Variants in POU6F2 observed in about 807,000 individuals in gnomAD.
POU6F2 encodes the protein POU class 6 homeobox 2, also known as POU domain, class 6, transcription factor 2.
Under a neutral mutation model 71.3 loss-of-function variants are expected in POU6F2, and 31 were observed. The ratio of observed to expected loss-of-function variants is 0.43; its 90% confidence interval spans 0.33 to 0.59. The LOEUF is 0.59. POU6F2 is among the 20% of genes least tolerant of loss of function. POU6F2 has a pLI of 0.04. For synonymous variants in POU6F2, 347 were observed against 355.7 expected, an observed-to-expected ratio of 0.98 and a Z score of 0.27; for missense variants, 783 against 856.8, an observed-to-expected ratio of 0.91 and a Z score of 1.07.
chr7:39,082,844 A>G (rs1324753273), intron 1 of POU6F2, among the ~76,000 whole-genome samples: 6 of 151,888 alleles, frequency 4.0e-5, no homozygotes, highest in Non-Finnish European at 7.4e-5. Context: ...ACAAATATAT[A>G]TATGGGCTAG....
chr7:39,147,420 A>G (rs977365245), intron 2 of POU6F2, among the ~76,000 whole-genome samples: 2 of 152,336 alleles, frequency 1.3e-5, no homozygotes, highest in Non-Finnish European at 2.9e-5. Context: ...AGTGTACAGA[A>G]CAAAAAGATT....
intron 1 of POU6F2, among the ~76,000 whole-genome samples, chr7:39,017,073 T>C (rs1362847057): frequency 6.6e-6 from 1 of 152,188 alleles, no homozygotes; most frequent in Non-Finnish European, 1.5e-5. Context: ...TATTTTATCA[T>C]GTTGTTTTTT....
intron 4 of POU6F2, among the ~76,000 whole-genome samples, chr7:39,290,403 A>G (rs955554623): frequency 6.6e-6 from 1 of 152,186 alleles, no homozygotes; most frequent in Non-Finnish European, 1.5e-5. Flanking sequence ...CACTCCCTGT[A>G]CAGAATCTGT....
chr7:39,277,547 C>G (rs1250068688), intron 4 of POU6F2, among the ~76,000 whole-genome samples: 5 of 152,156 alleles, frequency 3.3e-5, no homozygotes, highest in African/African-American at 1.2e-4. Context: ...TATTGAGTCT[C>G]CAAGCACCAG....
chr7:38,991,439 G>C (rs1584484071), intron 1 of POU6F2, among the ~76,000 whole-genome samples: 1 of 152,020 alleles, frequency 6.6e-6, no homozygotes, highest in East Asian at 1.9e-4. Context: ...GTCTACCAGT[G>C]GAAAGTTTGG....
chr7:39,201,397 T>C (rs928382288), intron 2 of POU6F2, among the ~76,000 whole-genome samples: 3 of 152,188 alleles, frequency 2.0e-5, no homozygotes, highest in Admixed American at 6.5e-5. Context: ...ATTTCAAAGG[T>C]TTATGTTAAA....
chr7:38,983,711 C>G (rs763889752), intron 1 of POU6F2, among the ~76,000 whole-genome samples: 8 of 152,080 alleles, frequency 5.3e-5, no homozygotes, highest in Non-Finnish European at 8.8e-5. Context: ...TGGAAAAATT[C>G]CTTCCTGGTT....
intron 4 of POU6F2, among the ~76,000 whole-genome samples, chr7:39,257,394 GAA>G (rs5883680): frequency 5.3e-5 from 8 of 151,826 alleles, no homozygotes; most frequent in Non-Finnish European, 7.4e-5. Flanking sequence ...TTTTTGAAGG[GAA>G]AAAAAATCTT....
At chr7:39,183,584 T>C (rs573707542) in intron 2 of POU6F2, among the ~76,000 whole-genome samples, 1 of 152,194 alleles carries the variant, frequency 6.6e-6, no homozygotes, top group African/African-American at 2.4e-5. Flanking sequence ...CTCTTCCACA[T>C]TGGGGATTAT....
rs573654854 is a variant in POU6F2, at chr7:39,381,970, A to T, written c.973-24630A>T. ...ATTTTTTTCACCCACAACTAGGGTA[A>T]CAACTCCCCTGTTAGAAATTCCTCT... On this transcript the variant is annotated intron_variant, in intron 5 of 9. Coordinates refer to ENST00000518318, the MANE Select transcript of POU6F2 (RefSeq NM_001370959.1). Among the ~76,000 whole-genome samples, 5 of 152,256 alleles carry T rather than the reference A, an allele frequency of 3.3e-5. No homozygotes were observed. In the East Asian group the frequency reaches 9.6e-4, roughly 29 times the overall value.
At chr7:39,321,868 A>G (rs2128769150) in intron 4 of POU6F2, among the ~76,000 whole-genome samples, 1 of 152,144 alleles carries the variant, frequency 6.6e-6, no homozygotes, top group South Asian at 2.1e-4. Context: ...TTAAGAATAA[A>G]CATTGTATAT....
rs1483473649 is a variant in POU6F2, at chr7:39,015,466, ATATAT to A, written c.105+37414_105+37418del. Among the ~76,000 whole-genome samples, 502 of 120,592 alleles carry A rather than the reference ATATAT, an allele frequency of 4.2e-3. 9 individuals carry two copies. Among genetic ancestry groups the A allele is most frequent in the Non-Finnish European group, 6.2e-3 (385 of 62,198 alleles). 79.1% of individuals were successfully genotyped at this position (120,592 alleles called of 152,430 possible). ...ATCTAATATATATTATTATATATAG[ATATAT>A]TATATCTATGTTTTATATAGATATA... On this transcript the variant is annotated intron_variant, in intron 1 of 9. Transcript: ENST00000518318.
At chr7:38,992,532 G>A (rs1005867335) in intron 1 of POU6F2, among the ~76,000 whole-genome samples, 2 of 152,178 alleles carry the variant, frequency 1.3e-5, no homozygotes, top group Non-Finnish European at 2.9e-5. Context: ...AAAAGACAAA[G>A]GGGAGTGGAG....
intron 6 of POU6F2, among the ~76,000 whole-genome samples, chr7:39,413,123 G>A (rs1028377494): frequency 6.6e-6 from 1 of 151,420 alleles, no homozygotes; most frequent in African/African-American, 2.4e-5. Context: ...ATTTTTAAAA[G>A]AAACAGAGGG....
intron 1 of POU6F2, among the ~76,000 whole-genome samples, chr7:39,020,617 A>G (rs946826341): frequency 6.6e-6 from 1 of 152,132 alleles, no homozygotes; most frequent in African/African-American, 2.4e-5. Context: ...TTTCTCCTCA[A>G]TAAATCAAAC....
rs1321069150 is a variant in POU6F2, at chr7:39,467,082, G to A, written c.*2396G>A. ...TAATTGGGAGGGTCTAACTAGGACA[G>A]GGAAAATATAAAATAAAAGTAATCT... On this transcript the variant is annotated 3_prime_UTR_variant, in exon 10 of 10. Coordinates refer to ENST00000518318, the MANE Select transcript of POU6F2 (RefSeq NM_001370959.1). 3.3e-5 allele frequency: 5 copies of A among 152,090 alleles called. No individual in the cohort carries two copies. The highest frequency in any genetic ancestry group is 7.4e-5 in the Non-Finnish European group (5 of 68,020). 9.4% of individuals were successfully genotyped at this position (152,090 alleles called of 1,614,324 possible).
intron 1 of POU6F2, among the ~76,000 whole-genome samples, chr7:39,046,586 A>T (rs1790296379): frequency 6.6e-6 from 1 of 151,832 alleles, no homozygotes; most frequent in Non-Finnish European, 1.5e-5. Context: ...CTCGATCAGG[A>T]TTTTGCAATA....
chr7:39,296,759 G>A (rs1204103848), intron 4 of POU6F2, among the ~76,000 whole-genome samples: 3 of 152,182 alleles, frequency 2.0e-5, no homozygotes, highest in East Asian at 1.9e-4. Flanking sequence ...TTAGCTTAAC[G>A]TGTTTTCCCC....
chr7:39,425,085 G>A (rs975802322), intron 6 of POU6F2, among the ~76,000 whole-genome samples: 1 of 152,054 alleles, frequency 6.6e-6, no homozygotes, highest in African/African-American at 2.4e-5. Context: ...TGCATAACTA[G>A]GGTTCAGGCC....
Sources: gnomAD v4.1 joint callset for allele counts (sites outside exome capture counted in the v4.1 genomes callset) on GRCh38, gnomAD v4.1.1 for gene constraint, MANE v1.5 for transcripts, NCBI Gene and HGNC (gene_info 2026-07-23, HGNC 2026-07-21) for gene names.